DDHD1: variants seen among roughly 807,000 people sequenced by gnomAD.
The protein encoded by DDHD1 is phospholipase DDHD1.
Under a neutral mutation model 96.4 loss-of-function variants are expected in DDHD1, and 49 were observed. The ratio of observed to expected loss-of-function variants is 0.51; its 90% CI spans 0.40 to 0.64. The LOEUF (loss-of-function observed/expected upper bound fraction) is 0.64. Among genes scored for constraint, DDHD1 ranks in the 30% least tolerant of loss-of-function variants. The pLI, the probability that DDHD1 is intolerant of heterozygous loss-of-function variation, is 0.00. For missense variants in DDHD1, 1,106 were observed against 1,161.2 expected (o/e 0.95, Z 0.69); for synonymous variants, 442 against 446.5 (o/e 0.99, Z 0.13).
intron 11 of DDHD1, among the ~76,000 whole-genome samples, chr14:53,052,162 C>A (rs1419011781): frequency 6.6e-6 from 1 of 152,006 alleles, no homozygotes; most frequent in African/African-American, 2.4e-5. Flanking sequence ...TCCCCAAATT[C>A]ATAGCTAATT....
At position 53,042,821 on chromosome 14, in the gene DDHD1, A is replaced by G. The variant is rs2090167735; in HGVS notation, c.*3947T>C. ...GCAAAACTTAGTTTCTTTTTCTAGTATATGATTGCTACGTTCTTTTTTGCT... is the reference window on the plus strand; with the variant it reads ...GCAAAACTTAGTTTCTTTTTCTAGTGTATGATTGCTACGTTCTTTTTTGCT... On this transcript the variant is annotated 3_prime_UTR_variant, in exon 13 of 13. Transcript: ENST00000673822. 6.6e-6 allele frequency: 1 copy of G among 152,202 alleles called. No individual in the cohort carries two copies. The highest frequency in any genetic ancestry group is 1.5e-5 in the Non-Finnish European group (1 of 68,024). The allele number at this position is 152,202 out of a possible 1,614,324, so 9.4% of individuals were successfully genotyped here. A position where few individuals can be genotyped will look rare whatever the true frequency, so the allele number is the denominator to read the frequency against.
chr14:53,058,352 T>C, intron 9 of DDHD1, 125 bp downstream of exon 9: 2 of 1,070,896 alleles, frequency 1.9e-6, no homozygotes, highest in Non-Finnish European at 2.7e-6. Flanking sequence ...TGACCTCAGA[T>C]GATGCGCCCG....
chr14:53,152,227 G>C (rs768651612), intron 1 of DDHD1, 34 bp downstream of exon 1: 1 of 1,553,974 alleles, frequency 6.4e-7, no homozygotes, highest in Non-Finnish European at 8.7e-7. Context: ...TGCAGGGGCA[G>C]CCCGTCCTGC....
chr14:53,107,685 G>A (rs182306860), intron 1 of DDHD1, among the ~76,000 whole-genome samples: 28 of 152,290 alleles, frequency 1.8e-4, no homozygotes, highest in African/African-American at 5.3e-4. Context: ...CAGCTACTTG[G>A]GAGGCTGAGG....
chr14:53,086,456 G>C (rs954408925), intron 4 of DDHD1, among the ~76,000 whole-genome samples: 1 of 152,098 alleles, frequency 6.6e-6, no homozygotes, highest in Admixed American at 6.5e-5. Context: ...CGGATCTCTC[G>C]GCAGAAACTC....
At position 53,055,765 on chromosome 14, in the gene DDHD1, CT is replaced by C; in HGVS notation, c.2139del (p.Glu714ArgfsTer12). The C allele has an allele frequency of 6.2e-7, 1 of 1,614,128 alleles. No individual in the cohort carries two copies. Among genetic ancestry groups the C allele is most frequent in the Non-Finnish European group, 8.5e-7 (1 of 1,180,014 alleles). Reference protein sequence around the residue: ...LNPAKEPTSVSENEGISTIPS... With the variant: ...LNPAKEPTSVXENEGISTIPS... ...GGTATGGTTGAAATGCCTTCATTCT[CT>C]GAAACTGAGGTAGGTTCTTTAGCTG... On this transcript the variant is annotated frameshift_variant, in exon 10 of 13. Transcript: ENST00000673822. LOFTEE classifies it high-confidence loss of function.
chr14:53,136,112 C>T (rs1446193411), intron 1 of DDHD1, among the ~76,000 whole-genome samples: 1 of 152,202 alleles, frequency 6.6e-6, no homozygotes, highest in Non-Finnish European at 1.5e-5. Flanking sequence ...TCTCCCCACC[C>T]TTGAGAATGT....
chr14:53,138,574 G>C (rs537836834), intron 1 of DDHD1, among the ~76,000 whole-genome samples: 1 of 152,308 alleles, frequency 6.6e-6, no homozygotes, highest in African/African-American at 2.4e-5. Flanking sequence ...GGTTCTTCCA[G>C]TCTACAAGTG....
chr14:53,089,766 A>T (rs1471476656), intron 4 of DDHD1, among the ~76,000 whole-genome samples: 1 of 152,216 alleles, frequency 6.6e-6, no homozygotes, highest in East Asian at 1.9e-4. Context: ...AACCTAGGCA[A>T]TACCATTCAG....
intron 1 of DDHD1, among the ~76,000 whole-genome samples, chr14:53,113,856 C>T (rs901629273): frequency 4.6e-5 from 7 of 152,116 alleles, no homozygotes; most frequent in Non-Finnish European, 8.8e-5. Flanking sequence ...CCCAGTGGTT[C>T]CAGGAACCCC....
intron 1 of DDHD1, among the ~76,000 whole-genome samples, chr14:53,110,545 A>G (rs1888027440): frequency 6.6e-6 from 1 of 152,166 alleles, no homozygotes; most frequent in South Asian, 2.1e-4. Flanking sequence ...TTCACCTTCT[A>G]TGATTTCACT....
chr14:53,079,851 C>T (rs192203876), intron 4 of DDHD1, among the ~76,000 whole-genome samples: 1 of 152,168 alleles, frequency 6.6e-6, no homozygotes, highest in East Asian at 1.9e-4. Flanking sequence ...CTTGTGCATG[C>T]CTCTTTTATT....
At position 53,079,870 on chromosome 14, in the gene DDHD1, A is replaced by AT. The variant is rs371252347; in HGVS notation, c.1290-6024dup. On this transcript the variant is annotated intron_variant, in intron 4 of 12. Transcript: ENST00000673822. ...TGCATGCCTCTTTTATTTTTTGCTG[A>AT]TTTTTTTTGGGATAGTACCTGGAAG... Among the ~76,000 whole-genome samples the AT allele has an allele frequency of 2.3e-4, 35 of 151,966 alleles. 1 individual carries two copies. In the East Asian group the frequency reaches 3.9e-3, roughly 17 times the overall value.
intron 1 of DDHD1, among the ~76,000 whole-genome samples, chr14:53,127,041 T>C (rs1889498403): frequency 6.6e-6 from 1 of 152,200 alleles, no homozygotes; most frequent in Non-Finnish European, 1.5e-5. Context: ...GTAGTCAAAA[T>C]TCATAATGCT....
intron 1 of DDHD1, among the ~76,000 whole-genome samples, chr14:53,131,991 T>G (rs2139842398): frequency 6.6e-6 from 1 of 152,298 alleles, no homozygotes; most frequent in African/African-American, 2.4e-5. Context: ...CTTTCCTTCC[T>G]AGGCATGGTT....
chr14:53,093,175 G>C (rs1389704941), intron 3 of DDHD1, 141 bp downstream of exon 3: 13 of 770,978 alleles, frequency 1.7e-5, no homozygotes, highest in Non-Finnish European at 2.2e-5. Flanking sequence ...CTTAATAAAA[G>C]TTTCATTTAA....
rs573279414 is a variant in DDHD1 at position 53,095,559 on chromosome 14, G to A, written c.1013-2115C>T. 2.0e-5 allele frequency among the ~76,000 whole-genome samples: 3 copies of A among 152,102 alleles called. No individual in the cohort carries two copies. In the East Asian group the frequency reaches 5.8e-4, roughly 29 times the overall value. On this transcript the variant is annotated intron_variant, in intron 2 of 12. Transcript: ENST00000673822. ...ATTTATATTTTACTTACCTGCCACG[G>A]CACATTACTAACACTGTACACCAGA...
intron 1 of DDHD1, among the ~76,000 whole-genome samples, chr14:53,129,316 G>A (rs188593432): frequency 8.6e-5 from 13 of 151,184 alleles, no homozygotes; most frequent in Admixed American, 5.3e-4. Context: ...ATTTTAAATC[G>A]GGTAAGCAGT....
intron 1 of DDHD1, among the ~76,000 whole-genome samples, chr14:53,137,098 A>G (rs1328456779): frequency 6.6e-6 from 1 of 152,216 alleles, no homozygotes; most frequent in Non-Finnish European, 1.5e-5. Flanking sequence ...AAAAATACCT[A>G]AAATGAACTT....
Sources: gnomAD v4.1 joint callset for allele counts (sites outside exome capture counted in the v4.1 genomes callset) on GRCh38, gnomAD v4.1.1 for gene constraint, MANE v1.5 for transcripts, NCBI Gene and HGNC (gene_info 2026-07-23, HGNC 2026-07-21) for gene names.